MADD: variants seen among roughly 807,000 people sequenced by gnomAD.
MADD encodes the protein MAP kinase activating death domain, also known as MAP kinase-activating death domain protein.
MADD carries 109 observed loss-of-function variants against 176.7 expected under a neutral mutation model. The observed-to-expected ratio is 0.62, with a 90% CI of 0.53 to 0.72. The LOEUF (loss-of-function observed/expected upper bound fraction) is 0.72. Among genes scored for constraint, MADD ranks in the 30% least tolerant of loss-of-function variants. The pLI is 0.00. For missense variants in MADD, 1,914 were observed against 2,045.5 expected, an observed-to-expected ratio of 0.94 and a Z score of 1.24; for synonymous variants, 771 against 771.3, an observed-to-expected ratio of 1.00 and a Z score of 0.01.
In MADD at chr11:47,275,135, TG is replaced by T. The variant is rs1483106193; in HGVS notation, c.638del (p.Gly213AlafsTer21). ...AGTGAGCGCCTTCTGGGCAAGAAAC[TG>T]GGCATCCCTCGAGGCGTACAAAGGT... On this transcript the variant is annotated frameshift_variant, in exon 3 of 33. Coordinates refer to ENST00000402192, the Ensembl canonical transcript of MADD. LOFTEE classifies it high-confidence loss of function. 1 of 1,613,892 alleles carries T rather than the reference TG, an allele frequency of 6.2e-7. No homozygotes were observed. The highest frequency in any genetic ancestry group is 8.5e-7 in the Non-Finnish European group (1 of 1,179,978).
At chr11:47,279,339 G>A (rs2053891410) in intron 7 of MADD, among the ~76,000 whole-genome samples, 1 of 146,002 alleles carries the variant, frequency 6.8e-6, no homozygotes, top group Admixed American at 6.8e-5. Context: ...TCTGTTTCTT[G>A]TATGTGTGCC....
rs566064152 is a variant in MADD at position 47,295,683 on chromosome 11, C to G, written c.3483+107C>G. 104 of 1,568,932 alleles carry G rather than the reference C, an allele frequency of 6.6e-5. 2 individuals carry two copies. Among genetic ancestry groups the G allele is most frequent in the South Asian group, 6.0e-4 (51 of 85,078 alleles). ...GAGGCTGCTCTGAGTCTCAGGTCAGCATGGTTCTCATGGTGGAGATGTTTA... is the reference window on the plus strand; with the variant it reads ...GAGGCTGCTCTGAGTCTCAGGTCAGGATGGTTCTCATGGTGGAGATGTTTA... On this transcript the variant is annotated intron_variant, in intron 21 of 32. Transcript: ENST00000402192.
At chr11:47,298,872 G>A (rs2075325439) in intron 22 of MADD, among the ~76,000 whole-genome samples, 1 of 152,036 alleles carries the variant, frequency 6.6e-6, no homozygotes, top group African/African-American at 2.4e-5. Flanking sequence ...AGAGCTAAGG[G>A]GTCTAGTTTT....
rs1274372233 is a variant in MADD at position 47,285,177 on chromosome 11, AC to A, written c.2395del (p.His799MetfsTer16). The A allele has an allele frequency of 6.2e-7, 1 of 1,613,872 alleles. No individual in the cohort carries two copies. The highest frequency in any genetic ancestry group is 2.2e-5 in the East Asian group (1 of 44,890). ...AAAGTTACACTCCCCGATTCAGCCAACATGTCAGTGGCAATCGGTGAGAGCC... is the reference window on the plus strand; with the variant it reads ...AAAGTTACACTCCCCGATTCAGCCAAATGTCAGTGGCAATCGGTGAGAGCC... On this transcript the variant is annotated frameshift_variant, in exon 13 of 33. Coordinates refer to ENST00000402192, the Ensembl canonical transcript of MADD. LOFTEE classifies it high-confidence loss of function.
At chr11:47,286,288 T>C in intron 14 of MADD, 145 bp from the exon 15 acceptor site, 4 of 677,892 alleles carry the variant, frequency 5.9e-6, no homozygotes, top group Non-Finnish European at 5.3e-6. Context: ...ACTTGATCCT[T>C]TCTAAGACAG....
chr11:47,300,066 A>G (rs1232697945), intron 22 of MADD, among the ~76,000 whole-genome samples: 3 of 152,126 alleles, frequency 2.0e-5, no homozygotes, highest in Non-Finnish European at 4.4e-5. Flanking sequence ...CTCTGTACCT[A>G]ACTTGTTGAG....
chr11:47,289,719 C>T (rs1241620727), intron 16 of MADD, 148 bp from the exon 18 acceptor site: 3 of 951,590 alleles, frequency 3.2e-6, no homozygotes, highest in East Asian at 5.2e-5. Context: ...ATCGCGTGCT[C>T]CAGAGAGGTG....
At chr11:47,292,084 A>C (rs1014317077) in intron 19 of MADD, among the ~76,000 whole-genome samples, 3 of 152,132 alleles carry the variant, frequency 2.0e-5, no homozygotes, top group Non-Finnish European at 4.4e-5. Context: ...CTTCCTTCTG[A>C]AACTCTGGCT....
chr11:47,326,052 G>C (rs2095423453), intron 30 of MADD, among the ~76,000 whole-genome samples: 1 of 152,230 alleles, frequency 6.6e-6, no homozygotes, highest in Non-Finnish European at 1.5e-5. Context: ...AGGCTTCGGT[G>C]TGAGGACATG....
Position 47,284,425 on chromosome 11 carries a change from A to G in MADD, c.2017A>G (p.Ile673Val), listed in dbSNP as rs754690960. Reference sequence around the variant, plus strand: ...ACTGGGGGATGCCAGCGAGGTGGAGATTGACGAGCTGCAGAATCAGAAGGA... The same window carrying G: ...ACTGGGGGATGCCAGCGAGGTGGAGGTTGACGAGCTGCAGAATCAGAAGGA... The change falls in exon 12 of 33, where the codon ATT becomes GTT. Residue 673 changes from isoleucine (I) to valine (V), a missense_variant. This residue lies in a region of MADD where 1,767 missense variants were observed against 1,836.0 expected (regional missense o/e 0.96). Coordinates refer to ENST00000402192, the Ensembl canonical transcript of MADD. 11 of 1,614,042 alleles carry G rather than the reference A, an allele frequency of 6.8e-6. No homozygotes were observed. The Admixed American group carries it at 1.8e-4, about 27-fold the overall frequency.
In MADD at chr11:47,320,840, G is replaced by C. The variant is rs562241874; in HGVS notation, c.4198-2831G>C. ...GGGAGGCTAAGTTGGGAGGATCCTT[G>C]AGCCTGGGAGGTCAAGGCTTCAGTG... On this transcript the variant is annotated intron_variant, in intron 27 of 32. Transcript: ENST00000402192. 2.9e-4 allele frequency among the ~76,000 whole-genome samples: 44 copies of C among 152,178 alleles called. No homozygotes were observed. The South Asian group carries it at 7.9e-3, about 27-fold the overall frequency.
At chr11:47,328,500 T>G (rs1595763181) in intron 31 of MADD, 158 bp from the exon 36 acceptor site, 2 of 1,491,100 alleles carry the variant, frequency 1.3e-6, no homozygotes. Flanking sequence ...GAGCCTCTGG[T>G]GGCCTCTGCC....
intron 12 of MADD, 50 bp from the exon 13 acceptor site, chr11:47,284,891 A>C: frequency 6.2e-7 from 1 of 1,603,738 alleles, no homozygotes; most frequent in Non-Finnish European, 8.5e-7. Flanking sequence ...GATTACAGGA[A>C]GGTACCATTG....
chr11:47,275,228 C>T, intron 3 of MADD, 69 bp downstream of exon 3: 1 of 1,381,632 alleles, frequency 7.2e-7, no homozygotes, highest in South Asian at 1.3e-5. Flanking sequence ...CTTTGAGGGG[C>T]ATAGGAAATT....
intron 19 of MADD, 127 bp from the exon 22 acceptor site, chr11:47,293,756 A>G: frequency 3.2e-6 from 2 of 632,426 alleles, no homozygotes; most frequent in Non-Finnish European, 5.7e-6. Context: ...AGTGGGGGGT[A>G]GTCCTTGGAA....
intron 8 of MADD, 82 bp from the exon 9 acceptor site, chr11:47,282,298 GC>G: frequency 9.2e-7 from 1 of 1,083,238 alleles, no homozygotes; most frequent in East Asian, 2.4e-5. Flanking sequence ...TTAAGTGATG[GC>G]TTTGGGAGGT....
rs764286013 is a variant in MADD at position 47,289,863 on chromosome 11, G to A, written c.2757-4G>A. 14 of 1,613,108 alleles carry A rather than the reference G, an allele frequency of 8.7e-6. No individual in the cohort carries two copies. In the South Asian group the frequency reaches 9.9e-5, roughly 11 times the overall value. On this transcript the variant is annotated splice_polypyrimidine_tract_variant and splice_region_variant and intron_variant, in intron 16 of 32. Transcript: ENST00000402192. Reference sequence around the variant, plus strand: ...ACCACAGAAGCGGTGTGTGGACCCTGTAGTGAGAACCAGCAGTTCCTGAAG... The same window carrying A: ...ACCACAGAAGCGGTGTGTGGACCCTATAGTGAGAACCAGCAGTTCCTGAAG...
chr11:47,306,932 A>C (rs1194501769), intron 22 of MADD, among the ~76,000 whole-genome samples: 2 of 152,000 alleles, frequency 1.3e-5, no homozygotes, highest in Non-Finnish European at 2.9e-5. Flanking sequence ...TGGTGCCCAG[A>C]CTGCAGTGCA....
chr11:47,286,375 C>T, intron 14 of MADD, 58 bp from the exon 15 acceptor site: 5 of 1,105,726 alleles, frequency 4.5e-6, no homozygotes, highest in Non-Finnish European at 5.6e-6. Flanking sequence ...AGTCATTAGT[C>T]TACTGCTTTG....
Sources: allele counts gnomAD v4.1 joint callset (sites outside exome capture counted in the v4.1 genomes callset), GRCh38; gene constraint gnomAD v4.1.1; regional missense constraint gnomAD v4.1.1; transcripts MANE v1.5; gene names NCBI Gene and HGNC (gene_info 2026-07-23, HGNC 2026-07-21).